The following TRPM2 variants were observed in gnomAD, a reference collection of about 807,000 sequenced individuals.
TRPM2 encodes the protein transient receptor potential cation channel subfamily M member 2.
Under a neutral mutation model 174.0 loss-of-function variants are expected in TRPM2, and 161 were observed. The observed-to-expected ratio is 0.93, with a 90% CI of 0.81 to 1.05. The LOEUF (loss-of-function observed/expected upper bound fraction) is 1.05. TRPM2 is among the 50% of genes least tolerant of loss of function. The pLI is 0.00. For synonymous variants in TRPM2, 954 were observed against 861.3 expected (o/e 1.11, Z -1.88); for missense variants, 2,057 against 2,038.0 (o/e 1.01, Z -0.18).
chr21:44,356,182 A>G (rs1209088891), intron 2 of TRPM2, among the ~76,000 whole-genome samples: 1 of 131,068 alleles, frequency 7.6e-6, no homozygotes, highest in Non-Finnish European at 1.6e-5. Flanking sequence ...GCATCTGGCT[A>G]TGTTATTTTT....
intron 27 of TRPM2, among the ~76,000 whole-genome samples, chr21:44,430,046 G>A (rs2050970008): frequency 1.3e-5 from 2 of 152,130 alleles, no homozygotes. Context: ...TTCCCCTTTA[G>A]CCAATTAGTG....
intron 28 of TRPM2, among the ~76,000 whole-genome samples, chr21:44,435,916 C>A (rs72497622): frequency 0.015 from 1,891 of 124,576 alleles, 77 homozygotes; most frequent in African/African-American, 0.039. Flanking sequence ...TCACTCCTCC[C>A]CACCCATCCA....
chr21:44,419,022 C>T (rs1293603060), intron 22 of TRPM2, among the ~76,000 whole-genome samples: 1 of 152,232 alleles, frequency 6.6e-6, no homozygotes, highest in Non-Finnish European at 1.5e-5. Context: ...CATCTTGCTT[C>T]TTTCCAAGGT....
At chr21:44,402,674 C>T (rs945400871) in intron 16 of TRPM2, among the ~76,000 whole-genome samples, 2 of 152,214 alleles carry the variant, frequency 1.3e-5, no homozygotes, top group Non-Finnish European at 2.9e-5. Flanking sequence ...GCGGACATTC[C>T]AAGGGCTCAG....
rs2051547688 is a variant in TRPM2 at position 44,442,512 on chromosome 21, G to A, written c.*695G>A. ...GCCACGTGCTGGCCATGTGGCCAGG[G>A]ACGGCATGAGCAGGAGGCGGGGACG... On this transcript the variant is annotated 3_prime_UTR_variant, in exon 32 of 32. Transcript: ENST00000397928. 1 of 152,342 alleles carries A rather than the reference G, an allele frequency of 6.6e-6. No homozygotes were observed. Among genetic ancestry groups the A allele is most frequent in the Admixed American group, 6.5e-5 (1 of 15,296 alleles). 9.4% of individuals were successfully genotyped at this position (152,342 alleles called of 1,614,324 possible).
At chr21:44,407,636 C>T (rs1485848088) in intron 19 of TRPM2, among the ~76,000 whole-genome samples, 6 of 151,680 alleles carry the variant, frequency 4.0e-5, no homozygotes, top group Non-Finnish European at 7.4e-5. Flanking sequence ...CAGCCACCCA[C>T]GAAGCTACTT....
intron 27 of TRPM2, among the ~76,000 whole-genome samples, chr21:44,427,495 C>T (rs2050847595): frequency 3.3e-5 from 5 of 152,190 alleles, no homozygotes; most frequent in Admixed American, 3.3e-4. Flanking sequence ...AAGGTGGCCT[C>T]GCCTGGCATC....
chr21:44,380,691 G>A (rs2048853547), intron 8 of TRPM2, among the ~76,000 whole-genome samples: 1 of 152,212 alleles, frequency 6.6e-6, no homozygotes, highest in Non-Finnish European at 1.5e-5. Context: ...CTGTGGAGGA[G>A]TTGCAGAGCT....
chr21:44,406,585 G>A lies in TRPM2; in HGVS notation c.2791-9G>A, dbSNP rs761049052. On this transcript the variant is annotated splice_polypyrimidine_tract_variant and intron_variant, in intron 18 of 31. Coordinates refer to ENST00000397928, the MANE Select transcript of TRPM2 (RefSeq NM_003307.4). ...GGAGAGTGTAGCCCACACACTCTCT[G>A]TCCTGCAGATGAAGGACGTCTTCTT... The A allele has an allele frequency of 2.5e-6, 4 of 1,606,162 alleles. No homozygotes were observed. In the African/African-American group the frequency reaches 4.0e-5, roughly 16 times the overall value.
chr21:44,381,635 T>A (rs1329071903), intron 8 of TRPM2, among the ~76,000 whole-genome samples: 1 of 151,924 alleles, frequency 6.6e-6, no homozygotes, highest in Non-Finnish European at 1.5e-5. Context: ...GACTGGGCAC[T>A]GTGGCTCACA....
chr21:44,350,685 G>A (rs1267041990), upstream of TRPM2, among the ~76,000 whole-genome samples: 1 of 138,494 alleles, frequency 7.2e-6, no homozygotes, highest in African/African-American at 2.7e-5. Flanking sequence ...GTGCAGGGGC[G>A]GGCGGGGTTC....
At chr21:44,422,566 A>G (rs2050589255) in intron 22 of TRPM2, 1 of 1,132,260 alleles carries the variant, frequency 8.8e-7, no homozygotes, top group Non-Finnish European at 1.2e-6. Context: ...TGTGTTACTA[A>G]AATAGTTGCT....
chr21:44,350,188 G>A (rs1448489505), upstream of TRPM2: 2 of 152,090 alleles, frequency 1.3e-5, no homozygotes, highest in Non-Finnish European at 2.9e-5. Flanking sequence ...GCGCACGCTC[G>A]GGCGAGATGT....
intron 19 of TRPM2, among the ~76,000 whole-genome samples, chr21:44,409,323 C>A (rs1344604848): frequency 6.6e-6 from 1 of 152,188 alleles, no homozygotes; most frequent in Non-Finnish European, 1.5e-5. Context: ...TGTCCCAGCA[C>A]TATTTGTTGA....
Position 44,391,447 on chromosome 21 carries a change from T to G in TRPM2, c.1616T>G (p.Val539Gly). The change falls in exon 11 of 32, where the codon GTG (valine) becomes GGG (glycine). Residue 539 changes from valine to glycine, a missense_variant. By Grantham distance (109) the Val-to-Gly change is moderately radical. Coordinates refer to ENST00000397928, the MANE Select transcript of TRPM2 (RefSeq NM_003307.4). This position sits in a 1 kb window ranked among gnomAD's most constrained non-coding sequence, Gnocchi z 5.0. ...CTGTTCCACAGCAAGCTGCAGAAGG[T>G]GCTGGTGGAGGATCCCGAGCGCCCG... ...SCLFHSKLQK[V>G]LVEDPERPAC... The G allele has an allele frequency of 6.2e-7, 1 of 1,613,712 alleles. No homozygotes were observed. Among genetic ancestry groups the G allele is most frequent in the Non-Finnish European group, 8.5e-7 (1 of 1,180,004 alleles).
At chr21:44,409,664 C>T (rs973257751) in intron 19 of TRPM2, among the ~76,000 whole-genome samples, 2 of 117,522 alleles carry the variant, frequency 1.7e-5, no homozygotes, top group African/African-American at 6.2e-5. Flanking sequence ...TTTGACTGCA[C>T]TGTCTTGGTG....
In TRPM2 at chr21:44,377,768, T is replaced by C. The variant is rs1473839029; in HGVS notation, c.1009T>C (p.Leu337=). The C allele has an allele frequency of 1.2e-6, 2 of 1,614,106 alleles. No individual in the cohort carries two copies. The highest frequency in any genetic ancestry group is 1.7e-6 in the Non-Finnish European group (2 of 1,180,014). ...GGTGCTGGAGGGCGGCCCGGGCACG[T>C]TGCACGTGAGTATGGCCAGGTGGGA... ...CVVLEGGPGT[L]HTIDNATTNG... is the part of the protein sequence containing the mutation. The change falls in exon 7 of 32, where the codon TTG becomes CTG. Residue 337 remains leucine (L), a synonymous_variant. Coordinates refer to ENST00000397928, the MANE Select transcript of TRPM2 (RefSeq NM_003307.4).
At chr21:44,395,002 G>A (rs2049296699) in intron 11 of TRPM2, among the ~76,000 whole-genome samples, 1 of 152,128 alleles carries the variant, frequency 6.6e-6, no homozygotes, top group Admixed American at 6.6e-5. Context: ...CTTTCCTAGT[G>A]GCCTCTCTGC....
intron 28 of TRPM2, 141 bp downstream of exon 28, chr21:44,435,358 G>A (rs904412613): frequency 1.3e-5 from 11 of 815,000 alleles, no homozygotes; most frequent in African/African-American, 3.5e-5. Flanking sequence ...GGGGGGATGC[G>A]GGAGGCGTCT....
Sources: gnomAD v4.1 joint callset for allele counts (sites outside exome capture counted in the v4.1 genomes callset) on GRCh38, gnomAD v4.1.1 for gene constraint, Gnocchi (gnomAD v3.1) non-coding constraint, MANE v1.5 for transcripts, NCBI Gene and HGNC (gene_info 2026-07-23, HGNC 2026-07-21) for gene names.